Variants in NSMCE2 observed in about 807,000 individuals in gnomAD.
The protein encoded by NSMCE2 is NSE2 SUMO ligase component of SMC5/6 complex.
Under a neutral mutation model 23.8 loss-of-function variants are expected in NSMCE2, and 24 were observed. That is an observed-to-expected ratio of 1.01 (90% CI 0.73 to 1.42). The LOEUF (loss-of-function observed/expected upper bound fraction) is 1.42. NSMCE2 is among the 40% of genes most tolerant of loss of function. The pLI, the probability that NSMCE2 is intolerant of heterozygous loss-of-function variation, is 0.00. For missense variants in NSMCE2, 284 were observed against 296.5 expected (o/e 0.96, Z 0.31); for synonymous variants, 92 against 94.1 (o/e 0.98, Z 0.13).
intron 5 of NSMCE2, among the ~76,000 whole-genome samples, chr8:125,215,193 C>A (rs1051764262): frequency 1.5e-5 from 2 of 134,188 alleles, no homozygotes; most frequent in African/African-American, 2.7e-5. Context: ...CCTCCCCCCT[C>A]CCCCTACCCC....
At chr8:125,116,745 G>T (rs1819023448) in intron 3 of NSMCE2, among the ~76,000 whole-genome samples, 1 of 152,156 alleles carries the variant, frequency 6.6e-6, no homozygotes, top group South Asian at 2.1e-4. Flanking sequence ...TAGCTTTTCA[G>T]AGGTGATTTA....
intron 7 of NSMCE2, among the ~76,000 whole-genome samples, chr8:125,363,672 G>A (rs1193610700): frequency 6.9e-6 from 1 of 144,506 alleles, no homozygotes; most frequent in African/African-American, 2.6e-5. Flanking sequence ...AGGAGGGCGG[G>A]GAGGGAGGGA....
chr8:125,161,819 A>C (rs1821645085), intron 4 of NSMCE2, among the ~76,000 whole-genome samples: 1 of 151,222 alleles, frequency 6.6e-6, no homozygotes, highest in Non-Finnish European at 1.5e-5. Flanking sequence ...CGGAAACGGT[A>C]ACCAGAAATA....
At position 125,091,872 on chromosome 8, in the gene NSMCE2, C is replaced by G. The variant is rs1342237246; in HGVS notation, c.-197C>G. 6.6e-6 allele frequency: 1 copy of G among 152,348 alleles called. No individual in the cohort carries two copies. Among genetic ancestry groups the G allele is most frequent in the Non-Finnish European group, 1.5e-5 (1 of 68,178 alleles). 9.4% of individuals were successfully genotyped at this position (152,348 alleles called of 1,614,324 possible). A position where few individuals can be genotyped will look rare whatever the true frequency, so the allele number is the denominator to read the frequency against. Reference sequence around the variant, plus strand: ...GCAAGAGCCCGCTCTCACTTTTCAGCGGCAGGCGAAGGGGGCTGAGGAAAG... The same window carrying G: ...GCAAGAGCCCGCTCTCACTTTTCAGGGGCAGGCGAAGGGGGCTGAGGAAAG... On this transcript the variant is annotated 5_prime_UTR_variant, in exon 1 of 8. Coordinates refer to ENST00000287437, the MANE Select transcript of NSMCE2 (RefSeq NM_173685.4).
intron 3 of NSMCE2, among the ~76,000 whole-genome samples, chr8:125,131,098 C>A (rs1199372569): frequency 6.6e-6 from 1 of 152,162 alleles, no homozygotes; most frequent in Non-Finnish European, 1.5e-5. Flanking sequence ...ATTTGCAATA[C>A]AGTTACATTG....
chr8:125,248,414 T>C (rs1463055540), intron 5 of NSMCE2, among the ~76,000 whole-genome samples: 1 of 152,196 alleles, frequency 6.6e-6, no homozygotes, highest in East Asian at 1.9e-4. Context: ...AAAATTAATA[T>C]CATCAGGCTA....
chr8:125,201,821 G>C (rs921086356), intron 5 of NSMCE2, among the ~76,000 whole-genome samples: 4 of 152,232 alleles, frequency 2.6e-5, no homozygotes, highest in African/African-American at 9.6e-5. Context: ...AGAGGCAGTA[G>C]CCCTTGATGA....
intron 7 of NSMCE2, among the ~76,000 whole-genome samples, chr8:125,363,675 G>GGAAGGAAGGCA (rs1232746801): frequency 6.7e-6 from 1 of 148,608 alleles, no homozygotes; most frequent in African/African-American, 2.5e-5. Flanking sequence ...AGGGCGGGGA[G>GGAAGGAAGGCA]GGAGGGAAGG....
intron 5 of NSMCE2, chr8:125,270,928 TG>T (rs1421954966): frequency 6.6e-6 from 1 of 151,934 alleles, no homozygotes; most frequent in Non-Finnish European, 1.5e-5. Flanking sequence ...AAAGAATAAA[TG>T]TAAGTGGGAG....
intron 4 of NSMCE2, among the ~76,000 whole-genome samples, chr8:125,162,770 A>T (rs1821691003): frequency 6.6e-6 from 1 of 152,174 alleles, no homozygotes; most frequent in South Asian, 2.1e-4. Context: ...ACTCCTCTAA[A>T]CCACCTAAAC....
chr8:125,272,776 C>A, intron 5 of NSMCE2, among the ~76,000 whole-genome samples: 1 of 140,666 alleles, frequency 7.1e-6, no homozygotes, highest in East Asian at 2.0e-4. Flanking sequence ...TACACACACA[C>A]GTATATATAT....
At chr8:125,123,300 C>G (rs971697883) in intron 3 of NSMCE2, among the ~76,000 whole-genome samples, 3 of 152,180 alleles carry the variant, frequency 2.0e-5, no homozygotes, top group African/African-American at 7.2e-5. Flanking sequence ...TTCCTCCTTT[C>G]CAAAAGCCCT....
At chr8:125,322,681 A>G (rs1200966804) in intron 5 of NSMCE2, among the ~76,000 whole-genome samples, 4 of 152,370 alleles carry the variant, frequency 2.6e-5, no homozygotes, top group South Asian at 2.1e-4. Context: ...AAATTTGCAG[A>G]TAACATGATC....
At chr8:125,320,233 A>AGGGAAGGGAGGGAGGG (rs1280474045) in intron 5 of NSMCE2, among the ~76,000 whole-genome samples, 1 of 20,428 alleles carries the variant, frequency 4.9e-5, no homozygotes, top group Non-Finnish European at 1.2e-4. Flanking sequence ...GGAGGGAGGG[A>AGGGAAGGGAGGGAGGG]AGGGAGGGAG....
At chr8:125,246,472 A>G (rs1825966930) in intron 5 of NSMCE2, among the ~76,000 whole-genome samples, 1 of 152,120 alleles carries the variant, frequency 6.6e-6, no homozygotes, top group South Asian at 2.1e-4. Flanking sequence ...GTGAGCCACC[A>G]TGCCTGGCCC....
chr8:125,316,711 T>C (rs13261993), intron 5 of NSMCE2, among the ~76,000 whole-genome samples: 1,492 of 73,574 alleles, frequency 0.02, 75 homozygotes, highest in Admixed American at 0.054. Context: ...TCCTTCCTTC[T>C]TTCCTTCTTT....
chr8:125,286,428 T>C (rs1443567061), intron 5 of NSMCE2, among the ~76,000 whole-genome samples: 2 of 151,728 alleles, frequency 1.3e-5, no homozygotes, highest in African/African-American at 4.9e-5. Flanking sequence ...TGCTCCTGCC[T>C]CAGCCTCCCA....
intron 3 of NSMCE2, among the ~76,000 whole-genome samples, chr8:125,128,724 C>T (rs1819623274): frequency 2.0e-5 from 3 of 152,188 alleles, no homozygotes; most frequent in Admixed American, 2.0e-4. Context: ...CATTCCTTGG[C>T]TTCTAGCCAT....
chr8:125,225,259 C>T (rs1177221243), intron 5 of NSMCE2, among the ~76,000 whole-genome samples: 2 of 152,174 alleles, frequency 1.3e-5, no homozygotes, highest in African/African-American at 4.8e-5. Context: ...TGCCAAGAAA[C>T]AAATTAGCTA....
Sources: gnomAD v4.1 joint callset for allele counts (sites outside exome capture counted in the v4.1 genomes callset) on GRCh38, gnomAD v4.1.1 for gene constraint, MANE v1.5 for transcripts, NCBI Gene and HGNC (gene_info 2026-07-23, HGNC 2026-07-21) for gene names.